Variants in NAA60 observed in about 807,000 individuals in gnomAD.
NAA60 encodes N-alpha-acetyltransferase 60.
Under a neutral mutation model 26.1 loss-of-function variants are expected in NAA60, and 8 were observed. The observed-to-expected ratio is 0.31, with a 90% CI of 0.18 to 0.55. NAA60 has a LOEUF of 0.55. NAA60 is among the 20% of genes least tolerant of loss of function. NAA60 has a pLI of 0.93. For missense variants in NAA60, 290 were observed against 311.3 expected, an observed-to-expected ratio of 0.93 and a Z score of 0.51; for synonymous variants, 131 against 122.5, an observed-to-expected ratio of 1.07 and a Z score of -0.46.
chr16:3,483,857 T>G, intron 6 of NAA60: 1 of 497,666 alleles, frequency 2.0e-6, no homozygotes, highest in East Asian at 3.8e-5. Context: ...CCTCCCAAAT[T>G]ACTGGGATTA....
At position 3,484,862 on chromosome 16, in the gene NAA60, C is replaced by T. The variant is rs1234911895; in HGVS notation, c.*7C>T. ...GTACAGCCGGACCATGTGATGTCGG[C>T]TGGGCAGCCGCCACCAGGCCCCACC... On this transcript the variant is annotated 3_prime_UTR_variant, in exon 7 of 8. Coordinates refer to ENST00000407558, the MANE Select transcript of NAA60 (RefSeq NM_001083601.3). The T allele has an allele frequency of 6.4e-7, 1 of 1,554,734 alleles. No individual in the cohort carries two copies. Among genetic ancestry groups the T allele is most frequent in the Admixed American group, 1.9e-5 (1 of 51,526 alleles).
intron 1 of NAA60, among the ~76,000 whole-genome samples, chr16:3,448,255 C>T: frequency 8.1e-6 from 1 of 123,966 alleles, no homozygotes; most frequent in East Asian, 2.4e-4. Context: ...GCTTGGATGA[C>T]AGAGCAAGAC....
In NAA60 at chr16:3,450,699, CAAAAAAAAAA is replaced by C. The variant is rs539095336; in HGVS notation, c.-7+2175_-7+2184del. Among the ~76,000 whole-genome samples the C allele has an allele frequency of 5.4e-5, 4 of 73,606 alleles. No homozygotes were observed. The Admixed American group carries it at 7.1e-4, about 13-fold the overall frequency. 48.3% of individuals were successfully genotyped at this position (73,606 alleles called of 152,430 possible). A position where few individuals can be genotyped will look rare whatever the true frequency, so the allele number is the denominator to read the frequency against. ...TGGGCGACAGAGTGAGACTCCGTCT[CAAAAAAAAAA>C]AAAAAAAAAAAAAAAGAAAGTTGTG... On this transcript the variant is annotated intron_variant, in intron 2 of 7. Coordinates refer to ENST00000407558, the MANE Select transcript of NAA60 (RefSeq NM_001083601.3).
chr16:3,479,340 G>A (rs907234431), intron 3 of NAA60, 131 bp from the exon 4 acceptor site: 15 of 851,328 alleles, frequency 1.8e-5, no homozygotes, highest in Admixed American at 2.6e-5. Context: ...TAAGTGATGG[G>A]CACACTCCTC....
intron 3 of NAA60, among the ~76,000 whole-genome samples, chr16:3,479,111 A>G (rs2036667346): frequency 6.6e-6 from 1 of 152,058 alleles, no homozygotes; most frequent in Non-Finnish European, 1.5e-5. Context: ...GTGGTGGCAC[A>G]TACCTGTAAT....
chr16:3,458,787 C>T (rs928146266), intron 2 of NAA60, among the ~76,000 whole-genome samples: 3 of 152,108 alleles, frequency 2.0e-5, no homozygotes, highest in Non-Finnish European at 2.9e-5. Context: ...TACAGACCGG[C>T]CCTACAGAAC....
intron 2 of NAA60, among the ~76,000 whole-genome samples, chr16:3,467,504 C>G (rs1318309091): frequency 1.3e-5 from 2 of 152,090 alleles, no homozygotes; most frequent in African/African-American, 4.8e-5. Flanking sequence ...GAGGAGGAGT[C>G]CCCCGTGGAC....
rs1436980708 is a variant in NAA60, at chr16:3,483,609, T to C, written c.572+12T>C. The stretch of plus-strand genomic sequence containing the variant: ...CCCTGGACGATTTTATATCCTTAAC[T>C]TCTGGGGGAGAGGGACTGTGGCTTC... On this transcript the variant is annotated intron_variant, in intron 6 of 7. Coordinates refer to ENST00000407558, the MANE Select transcript of NAA60 (RefSeq NM_001083601.3). The C allele has an allele frequency of 3.8e-6, 6 of 1,597,252 alleles. No homozygotes were observed. Among genetic ancestry groups the C allele is most frequent in the Non-Finnish European group, 5.1e-6 (6 of 1,166,614 alleles).
At chr16:3,471,244 G>A (rs949265391) in intron 2 of NAA60, among the ~76,000 whole-genome samples, 2 of 152,152 alleles carry the variant, frequency 1.3e-5, no homozygotes, top group African/African-American at 2.4e-5. Context: ...GCTCACACCT[G>A]TAATCCCAGC....
At chr16:3,471,212 A>G (rs183212928) in intron 2 of NAA60, among the ~76,000 whole-genome samples, 49 of 151,940 alleles carry the variant, frequency 3.2e-4, no homozygotes, top group African/African-American at 1.2e-3. Context: ...TTAAAAATCA[A>G]CTTGACTGGG....
intron 2 of NAA60, among the ~76,000 whole-genome samples, chr16:3,470,661 C>T (rs540343580): frequency 4.0e-4 from 57 of 141,926 alleles, no homozygotes; most frequent in Non-Finnish European, 7.7e-4. Context: ...AGGGCAGGGG[C>T]CAGTGGGGTT....
At chr16:3,456,682 G>A (rs555807720) in intron 2 of NAA60, 1 of 152,278 alleles carries the variant, frequency 6.6e-6, no homozygotes, top group Admixed American at 6.5e-5. Context: ...GCCTGCTGAA[G>A]GGGGTGGGAT....
At chr16:3,484,412 G>T (rs2151023670) in intron 6 of NAA60, among the ~76,000 whole-genome samples, 1 of 152,200 alleles carries the variant, frequency 6.6e-6, no homozygotes, top group Non-Finnish European at 1.5e-5. Context: ...CTTCTGCCAG[G>T]CCCCTTCCCC....
intron 2 of NAA60, chr16:3,458,278 A>C: frequency 1.3e-6 from 1 of 797,422 alleles, no homozygotes; most frequent in Non-Finnish European, 1.5e-6. Flanking sequence ...CAGGGGGGCC[A>C]GCGCCCACCG....
At chr16:3,456,431 C>T (rs941824530) in intron 2 of NAA60, among the ~76,000 whole-genome samples, 5 of 151,044 alleles carry the variant, frequency 3.3e-5, no homozygotes, top group Non-Finnish European at 4.4e-5. Flanking sequence ...AAGTACAGAG[C>T]GAGCAATTTC....
At chr16:3,473,388 A>G (rs905341345) in intron 2 of NAA60, among the ~76,000 whole-genome samples, 2 of 152,148 alleles carry the variant, frequency 1.3e-5, no homozygotes, top group Admixed American at 1.3e-4. Context: ...GGCAAGAGAG[A>G]ATGAGAGCCA....
chr16:3,475,693 G>C (rs1269476480), intron 2 of NAA60, among the ~76,000 whole-genome samples: 2 of 152,160 alleles, frequency 1.3e-5, no homozygotes, highest in Non-Finnish European at 2.9e-5. Context: ...AGAAATTGGG[G>C]TGTGACCCAC....
intron 2 of NAA60, chr16:3,456,811 T>C (rs954775035): frequency 6.6e-6 from 1 of 151,868 alleles, no homozygotes. Context: ...TTTTTTTAGA[T>C]GGAGTTTTGC....
intron 2 of NAA60, among the ~76,000 whole-genome samples, chr16:3,475,370 G>C (rs574570279): frequency 1.3e-5 from 2 of 151,868 alleles, no homozygotes; most frequent in Non-Finnish European, 2.9e-5. Flanking sequence ...GATTACAGGC[G>C]TGAGCCATCA....
Sources: gnomAD v4.1 joint callset for allele counts (sites outside exome capture counted in the v4.1 genomes callset) on GRCh38, gnomAD v4.1.1 for gene constraint, MANE v1.5 for transcripts, NCBI Gene and HGNC (gene_info 2026-07-23, HGNC 2026-07-21) for gene names.